Variants in TMEM237 observed in about 807,000 individuals in gnomAD.
TMEM237 encodes transmembrane protein 237.
Under a neutral mutation model 59.1 loss-of-function variants are expected in TMEM237, and 51 were observed. That is an observed-to-expected ratio of 0.86 (90% confidence interval 0.69 to 1.09). TMEM237 has a LOEUF of 1.09. Among genes scored for constraint, TMEM237 ranks in the 50% least tolerant of loss-of-function variants. The probability of loss-of-function intolerance (pLI) is 0.00; values close to 1 mark genes in which losing one functional copy is unlikely to be tolerated. For missense variants in TMEM237, 475 were observed against 478.3 expected, an observed-to-expected ratio of 0.99 and a Z score of 0.06; for synonymous variants, 140 against 166.1, an observed-to-expected ratio of 0.84 and a Z score of 1.21.
At chr2:201,642,732 G>A (rs1687452830) in intron 1 of TMEM237, 5 of 1,524,616 alleles carry the variant, frequency 3.3e-6, no homozygotes, top group East Asian at 5.1e-5. Context: ...GGGCCGCGCC[G>A]CCTGGCTAGT....
chr2:201,629,937 G>A (rs1957794869), intron 7 of TMEM237, 85 bp from the exon 8 acceptor site: 3 of 1,533,048 alleles, frequency 2.0e-6, no homozygotes, highest in South Asian at 2.5e-5. Context: ...TACTCAGGAA[G>A]CCGCAAACTA....
At position 201,629,789 on chromosome 2, in the gene TMEM237, A is replaced by G. The variant is rs773685442; in HGVS notation, c.617T>C (p.Met206Thr). The stretch of plus-strand genomic sequence containing the variant: ...GGTGGTCCAGGAAGGCTTCACGTCC[A>G]TTGACACATCTATGTTTTCTGTGGT... ...IKTTENIDVSMDVKPSWTTRD... is the reference protein window; with the variant it reads ...IKTTENIDVSTDVKPSWTTRD... The change falls in exon 8 of 13, where the codon ATG becomes ACG. Residue 206 changes from methionine to threonine, a missense_variant. By Grantham distance (81) the Met-to-Thr change is moderately conservative. Coordinates refer to ENST00000409883, the MANE Select transcript of TMEM237 (RefSeq NM_001044385.3). The G allele has an allele frequency of 3.1e-6, 5 of 1,613,632 alleles. No homozygotes were observed. Among genetic ancestry groups the G allele is most frequent in the Middle Eastern group, 3.3e-4 (2 of 6,080 alleles).
At chr2:201,638,409 T>A (rs887454444) in intron 4 of TMEM237, 4 of 152,034 alleles carry the variant, frequency 2.6e-5, no homozygotes, top group Non-Finnish European at 1.5e-5. Context: ...TAACAGAAAA[T>A]CATGAGACGT....
Position 201,629,739 on chromosome 2 carries a change from G to T in TMEM237, c.667C>A (p.Arg223=). 4 of 1,608,626 alleles carry T rather than the reference G, an allele frequency of 2.5e-6. No homozygotes were observed. Among genetic ancestry groups the T allele is most frequent in the Non-Finnish European group, 3.4e-6 (4 of 1,178,720 alleles). The change falls in exon 8 of 13, where the codon CGG becomes AGG. Residue 223 remains arginine, a synonymous_variant. Transcript: ENST00000409883. ...TTRDVALTVH[R]AFRMIGLFSH... is the part of the protein sequence containing the mutation. ...AACAAAAGCAGCCACCTGAAAGCCC[G>T]GTGCACTGTAAGTGCCACATCTCTG... is the stretch of plus-strand genomic sequence containing the variant.
At chr2:201,625,103 C>T (rs1243395495) in intron 12 of TMEM237, among the ~76,000 whole-genome samples, 1 of 152,160 alleles carries the variant, frequency 6.6e-6, no homozygotes, top group African/African-American at 2.4e-5. Flanking sequence ...GTGGCTCACG[C>T]CTTAATCCCA....
rs1384272503 is a variant in TMEM237 at position 201,626,021 on chromosome 2, A to T, written c.1159+5T>A. ...TATTCTTATGCTATTTTTTTTCTTT[A>T]ATACCTTCACTAAGATCCATGCCTG... On this transcript the variant is annotated splice_donor_5th_base_variant and intron_variant, in intron 12 of 12. Transcript: ENST00000409883. The T allele has an allele frequency of 6.4e-7, 1 of 1,566,606 alleles. No individual in the cohort carries two copies. Among genetic ancestry groups the T allele is most frequent in the Admixed American group, 1.9e-5 (1 of 51,954 alleles).
intron 1 of TMEM237, chr2:201,642,757 G>A (rs1009944574): frequency 1.4e-6 from 2 of 1,450,960 alleles, no homozygotes; most frequent in East Asian, 2.8e-5. Context: ...CGCGCGCAGC[G>A]CCCTGCGGGG....
intron 1 of TMEM237, among the ~76,000 whole-genome samples, chr2:201,641,758 G>A (rs1041685631): frequency 9.3e-5 from 14 of 150,864 alleles, no homozygotes; most frequent in African/African-American, 3.2e-4. Context: ...AATGAATGAA[G>A]GAGACTGAGT....
At position 201,635,008 on chromosome 2, in the gene TMEM237, ACT is replaced by A. The variant is rs1266642384; in HGVS notation, c.275-1579_275-1578del. The A allele has an allele frequency of 1.1e-5, 2 of 190,094 alleles. No individual in the cohort carries two copies. Among genetic ancestry groups the A allele is most frequent in the East Asian group, 3.6e-4 (2 of 5,560 alleles). 11.8% of individuals were successfully genotyped at this position (190,094 alleles called of 1,614,324 possible). A position where few individuals can be genotyped will look rare whatever the true frequency, so the allele number is the denominator to read the frequency against. On this transcript the variant is annotated intron_variant, in intron 5 of 12. Transcript: ENST00000409883. This position sits in a 1 kb window ranked among gnomAD's most constrained non-coding sequence, Gnocchi z 4.5. ...CTTCCCTGAGTTTTGCTCCAATACA[ACT>A]CTTTGTCATTTTTCTAATTATTATA... is the stretch of plus-strand genomic sequence containing the variant.
rs527658135 is a variant in TMEM237 at position 201,643,435 on chromosome 2, G to A, written c.-35C>T. The A allele has an allele frequency of 2.7e-6, 4 of 1,475,162 alleles. No individual in the cohort carries two copies. The highest frequency in any genetic ancestry group is 2.4e-5 in the Admixed American group (1 of 42,430). 91.4% of individuals were successfully genotyped at this position (1,475,162 alleles called of 1,614,324 possible). ...CCCGCGGGGCTGCCCCGGCGCAACCGCCGGCGGCCCGAGCCCAGCTCCCCG... is the reference window on the plus strand; with the variant it reads ...CCCGCGGGGCTGCCCCGGCGCAACCACCGGCGGCCCGAGCCCAGCTCCCCG... On this transcript the variant is annotated 5_prime_UTR_variant, in exon 1 of 13. Transcript: ENST00000409883. This position sits in a 1 kb window ranked among gnomAD's most constrained non-coding sequence, Gnocchi z 4.3.
chr2:201,631,098 C>A (rs1008727870), intron 7 of TMEM237: 1 of 152,112 alleles, frequency 6.6e-6, no homozygotes, highest in African/African-American at 2.4e-5. Flanking sequence ...TATGTTGAAG[C>A]CCTAACCCCC....
In TMEM237 at chr2:201,635,490, G is replaced by C. The variant is rs1029780441; in HGVS notation, c.274+1258C>G. Among the ~76,000 whole-genome samples the C allele has an allele frequency of 4.6e-5, 7 of 152,188 alleles. No homozygotes were observed. The highest frequency in any genetic ancestry group is 8.8e-5 in the Non-Finnish European group (6 of 68,022). On this transcript the variant is annotated intron_variant, in intron 5 of 12. Coordinates refer to ENST00000409883, the MANE Select transcript of TMEM237 (RefSeq NM_001044385.3). The surrounding 1 kb of genome is among the most constrained non-coding windows in gnomAD (Gnocchi z 4.5). The stretch of plus-strand genomic sequence containing the variant: ...GAAGCTAGAAGAAATGGCCAGGCGC[G>C]GTGGCTCACACCTGTAATCCCAGCA...
In TMEM237 at chr2:201,633,662, A is replaced by T. The variant is rs189525300; in HGVS notation, c.275-231T>A. 3.3e-5 allele frequency among the ~76,000 whole-genome samples: 5 copies of T among 152,364 alleles called. No homozygotes were observed. The East Asian group carries it at 9.6e-4, about 29-fold the overall frequency. On this transcript the variant is annotated intron_variant, in intron 5 of 12. Transcript: ENST00000409883. ...AAAAAAATTAAGTAACCCAATACCC[A>T]GGCTGTGCTGAAGATTCCCAAGATT...
chr2:201,626,287 T>C, intron 11 of TMEM237, 140 bp from the exon 12 acceptor site: 1 of 940,010 alleles, frequency 1.1e-6, no homozygotes, highest in Non-Finnish European at 1.6e-6. Context: ...AAATATAATT[T>C]CCCTGTAAAA....
chr2:201,626,191 T>C, intron 11 of TMEM237, 44 bp from the exon 12 acceptor site: 1 of 1,588,146 alleles, frequency 6.3e-7, no homozygotes, highest in South Asian at 1.2e-5. Flanking sequence ...TCAGTTTGGT[T>C]CATATACACA....
rs903149900 is a variant in TMEM237 at position 201,635,411 on chromosome 2, T to G, written c.274+1337A>C. ...AAAAATGTGAAGATGGAAGCAGAGATTGGCATTATGCCACCACAAGTCAAA... is the reference window on the plus strand; with the variant it reads ...AAAAATGTGAAGATGGAAGCAGAGAGTGGCATTATGCCACCACAAGTCAAA... On this transcript the variant is annotated intron_variant, in intron 5 of 12. Coordinates refer to ENST00000409883, the MANE Select transcript of TMEM237 (RefSeq NM_001044385.3). The surrounding 1 kb of genome is among the most constrained non-coding windows in gnomAD (Gnocchi z 4.5). Among the ~76,000 whole-genome samples, 2 of 152,024 alleles carry G rather than the reference T, an allele frequency of 1.3e-5. No homozygotes were observed. The highest frequency in any genetic ancestry group is 2.4e-5 in the African/African-American group (1 of 41,372).
intron 5 of TMEM237, 138 bp from the exon 6 acceptor site, chr2:201,633,569 T>A: frequency 1.6e-6 from 1 of 630,896 alleles, no homozygotes; most frequent in East Asian, 3.9e-5. Context: ...AAATTTTTAA[T>A]TTTTTAAAAA....
chr2:201,629,504 G>A, intron 8 of TMEM237, 83 bp from the exon 9 acceptor site: 3 of 1,386,048 alleles, frequency 2.2e-6, no homozygotes, highest in Non-Finnish European at 2.8e-6. Flanking sequence ...TCATATACAA[G>A]AATAAAATTC....
At chr2:201,642,544 A>C (rs1687445903) in intron 1 of TMEM237, 1 of 1,578,380 alleles carries the variant, frequency 6.3e-7, no homozygotes, top group Non-Finnish European at 8.6e-7. Flanking sequence ...TCTAATCCTC[A>C]AAAGTAGGAC....
Sources: gnomAD v4.1 joint callset for allele counts (sites outside exome capture counted in the v4.1 genomes callset) on GRCh38, gnomAD v4.1.1 for gene constraint, Gnocchi (gnomAD v3.1) non-coding constraint, MANE v1.5 for transcripts, NCBI Gene and HGNC (gene_info 2026-07-23, HGNC 2026-07-21) for gene names.